The following ZNF451 variants were observed in gnomAD, a reference collection of about 807,000 sequenced individuals.
The protein encoded by ZNF451 is zinc finger protein 451, also known as E3 SUMO-protein ligase ZNF451.
ZNF451 carries 80 observed loss-of-function variants against 107.1 expected under a neutral mutation model. The ratio of observed to expected loss-of-function variants is 0.75; its 90% CI spans 0.62 to 0.90. ZNF451 has a LOEUF of 0.90. Ranked by LOEUF, ZNF451 falls within the 40% of genes least tolerant of loss-of-function variation. The pLI, the probability that ZNF451 is intolerant of heterozygous loss-of-function variation, is 0.00. For synonymous variants in ZNF451, 362 were observed against 406.5 expected, an observed-to-expected ratio of 0.89 and a Z score of 1.32; for missense variants, 1,107 against 1,236.2, an observed-to-expected ratio of 0.90 and a Z score of 1.57.
intron 3 of ZNF451, chr6:57,101,461 G>A (rs1456606092): frequency 3.2e-6 from 5 of 1,550,734 alleles, no homozygotes; most frequent in Non-Finnish European, 4.4e-6. Flanking sequence ...AGGCCCCATT[G>A]TAGAAGCATT....
chr6:57,109,700 A>T, intron 3 of ZNF451: 2 of 969,320 alleles, frequency 2.1e-6, no homozygotes, highest in Non-Finnish European at 1.2e-6. Flanking sequence ...TCATTAAAAG[A>T]TATATTTAAA....
chr6:57,130,171 A>G (rs918534923), intron 5 of ZNF451, among the ~76,000 whole-genome samples: 7 of 152,206 alleles, frequency 4.6e-5, no homozygotes, highest in Admixed American at 4.6e-4. Context: ...TTATAGAGGT[A>G]GGCTATAAAT....
intron 11 of ZNF451, chr6:57,151,986 T>G (rs1390654921): frequency 4.9e-6 from 2 of 405,110 alleles, no homozygotes; most frequent in Non-Finnish European, 8.8e-6. Context: ...TGATTTTGCC[T>G]AATATCCATG....
At chr6:57,135,194 T>C (rs1157411009) in intron 7 of ZNF451, among the ~76,000 whole-genome samples, 2 of 152,170 alleles carry the variant, frequency 1.3e-5, no homozygotes, top group African/African-American at 2.4e-5. Context: ...TCCACTGTCT[T>C]ACACTGCTTG....
intron 2 of ZNF451, among the ~76,000 whole-genome samples, chr6:57,095,166 G>T (rs1163037996): frequency 6.6e-6 from 1 of 151,992 alleles, no homozygotes; most frequent in Non-Finnish European, 1.5e-5. Context: ...GTACATGTCT[G>T]TCCTTATTTT....
rs1364173306 is a variant in ZNF451, at chr6:57,105,718, G to A, written c.186+6577G>A. 55 of 985,238 alleles carry A rather than the reference G, an allele frequency of 5.6e-5. No homozygotes were observed. In the Middle Eastern group the frequency reaches 1.6e-3, roughly 28 times the overall value. 61.0% of individuals were successfully genotyped at this position (985,238 alleles called of 1,614,324 possible). On this transcript the variant is annotated intron_variant, in intron 3 of 14. Transcript: ENST00000370706. ...ATGCTCTAGGTTTTCTGATTGTCTC[G>A]TATCTAACCTTGTTCTTAGCCATGA...
chr6:57,122,538 A>C (rs1001492493), intron 3 of ZNF451, among the ~76,000 whole-genome samples: 2 of 152,202 alleles, frequency 1.3e-5, no homozygotes, highest in Admixed American at 1.3e-4. Flanking sequence ...AAGGAAAAAA[A>C]CCAATTCCAT....
At chr6:57,155,057 TTA>T (rs1215355192) in intron 13 of ZNF451, among the ~76,000 whole-genome samples, 1 of 152,180 alleles carries the variant, frequency 6.6e-6, no homozygotes, top group African/African-American at 2.4e-5. Flanking sequence ...TGATGGAAGA[TTA>T]TAAAAGAAAA....
chr6:57,158,714 G>C (rs1344577064), intron 13 of ZNF451: 1 of 985,290 alleles, frequency 1.0e-6, no homozygotes, highest in African/African-American at 1.7e-5. Flanking sequence ...GCCAGTATCT[G>C]CTCCCTTGAG....
At position 57,148,166 on chromosome 6, in the gene ZNF451, AT is replaced by A; in HGVS notation, c.2082del (p.Tyr694Ter). 1 of 1,614,106 alleles carries A rather than the reference AT, an allele frequency of 6.2e-7. No homozygotes were observed. Among genetic ancestry groups the A allele is most frequent in the Non-Finnish European group, 8.5e-7 (1 of 1,179,982 alleles). On this transcript the variant is annotated frameshift_variant, in exon 10 of 15. Coordinates refer to ENST00000370706, the MANE Select transcript of ZNF451 (RefSeq NM_001031623.3). LOFTEE classifies it high-confidence loss of function. ...TATGAGGAGCACCACAGCATAGATT[AT>A]GTATTTGTGTCAGAAAAAACTGAAA... ...SHYEEHHSID[Y>X]VFVSEKTETS...
chr6:57,129,158 A>AT (rs1831065335), intron 5 of ZNF451, among the ~76,000 whole-genome samples: 1 of 152,170 alleles, frequency 6.6e-6, no homozygotes, highest in Admixed American at 6.5e-5. Context: ...GTAACAGATT[A>AT]TTTGAGGTCA....
intron 3 of ZNF451, chr6:57,101,778 C>T (rs1460840153): frequency 1.9e-6 from 3 of 1,550,550 alleles, no homozygotes; most frequent in East Asian, 4.9e-5. Context: ...TGGCCATAGA[C>T]TATAGACGGC....
chr6:57,150,534 T>C (rs1227543529), intron 10 of ZNF451, 185 bp from the exon 11 acceptor site: 1 of 462,644 alleles, frequency 2.2e-6, no homozygotes, highest in Non-Finnish European at 3.6e-6. Flanking sequence ...AGATTATTTT[T>C]ATCTGATTTA....
chr6:57,116,037 C>A (rs560590093), intron 3 of ZNF451: 1 of 152,180 alleles, frequency 6.6e-6, no homozygotes, highest in East Asian at 1.9e-4. Flanking sequence ...GAAAGCCTTA[C>A]CTTTGTTAGA....
At chr6:57,103,156 T>C (rs1462105902) in intron 3 of ZNF451, 12 of 985,258 alleles carry the variant, frequency 1.2e-5, no homozygotes, top group Non-Finnish European at 1.4e-5. Flanking sequence ...GACCAAGAAT[T>C]CCAAACATGC....
chr6:57,117,247 A>C lies in ZNF451; in HGVS notation c.187-7487A>C, dbSNP rs182929084. Among the ~76,000 whole-genome samples, 7 of 152,068 alleles carry C rather than the reference A, an allele frequency of 4.6e-5. No individual in the cohort carries two copies. The East Asian group carries it at 5.8e-4, about 13-fold the overall frequency. On this transcript the variant is annotated intron_variant, in intron 3 of 14. Transcript: ENST00000370706. ...GTTGGTTGAGCATCCCTGATGTGAAAATCTGAAATCTGAAATGCTCCAAGG... is the reference window on the plus strand; with the variant it reads ...GTTGGTTGAGCATCCCTGATGTGAACATCTGAAATCTGAAATGCTCCAAGG...
chr6:57,159,524 A>ATTT, intron 13 of ZNF451: 9 of 161,162 alleles, frequency 5.6e-5, no homozygotes, highest in Non-Finnish European at 9.7e-5. Context: ...ACATTATAAG[A>ATTT]GTTTTTTTTT....
At chr6:57,146,117 A>G (rs1006391049) in intron 9 of ZNF451, among the ~76,000 whole-genome samples, 14 of 152,024 alleles carry the variant, frequency 9.2e-5, no homozygotes, top group Non-Finnish European at 1.8e-4. Flanking sequence ...TCCTTTGCCC[A>G]CTTCTTAATG....
At chr6:57,117,312 T>A (rs542393899) in intron 3 of ZNF451, among the ~76,000 whole-genome samples, 1 of 126,240 alleles carries the variant, frequency 7.9e-6, no homozygotes, top group African/African-American at 3.0e-5. Context: ...TCAAAAAGTT[T>A]TGGATTTTAG....
Sources: gnomAD v4.1 joint callset for allele counts (sites outside exome capture counted in the v4.1 genomes callset) on GRCh38, gnomAD v4.1.1 for gene constraint, MANE v1.5 for transcripts, NCBI Gene and HGNC (gene_info 2026-07-23, HGNC 2026-07-21) for gene names.